Variants in KLHL4 observed in about 807,000 individuals in gnomAD.
The protein encoded by KLHL4 is kelch like family member 4.
In KLHL4, 17 loss-of-function variants were observed where a neutral mutation model predicts 45.8. The observed-to-expected ratio is 0.37, with a 90% CI of 0.25 to 0.56. KLHL4 has a LOEUF of 0.56. KLHL4 is among the 20% of genes least tolerant of loss of function. The probability of loss-of-function intolerance (pLI) is 0.79; values close to 1 mark genes in which losing one functional copy is unlikely to be tolerated. For missense variants in KLHL4, 544 were observed against 544.9 expected (o/e 1.00, Z 0.02); for synonymous variants, 224 against 189.9 (o/e 1.18, Z -1.47).
In KLHL4 at chrX:87,635,602, CA is replaced by C; in HGVS notation, c.1755del (p.Lys585AsnfsTer38). The C allele has an allele frequency of 8.3e-7, 1 of 1,210,945 alleles. No individual in the cohort carries two copies. Among genetic ancestry groups the C allele is most frequent in the Non-Finnish European group, 1.1e-6 (1 of 895,000 alleles). On this transcript the variant is annotated frameshift_variant, in exon 9 of 11. Transcript: ENST00000373119. LOFTEE classifies it high-confidence loss of function. ...GTGGACGTGATGGAAGTTCCTGCCT[CA>C]AATCAATGGAATACTTTGACCCACA... ...IGGRDGSSCL[K>X]SMEYFDPHTN...
At chrX:87,565,502 T>G (rs1032321938) in intron 1 of KLHL4, among the ~76,000 whole-genome samples, 43 of 109,571 alleles carry the variant, frequency 3.9e-4, no homozygotes, top group African/African-American at 1.4e-3. Flanking sequence ...CTGAGGCAGG[T>G]GGATCACTTG....
intron 6 of KLHL4, among the ~76,000 whole-genome samples, chrX:87,628,896 T>G (rs1923018002): frequency 2.7e-5 from 3 of 111,987 alleles, no homozygotes; most frequent in African/African-American, 9.7e-5. Flanking sequence ...CATTAGAAAG[T>G]GCTAAGTATA....
intron 1 of KLHL4, among the ~76,000 whole-genome samples, chrX:87,562,652 G>T (rs144512889): frequency 1.8e-5 from 2 of 110,630 alleles, no homozygotes. Context: ...CAGCTCCCAC[G>T]TGCCATCTCT....
intron 1 of KLHL4, among the ~76,000 whole-genome samples, chrX:87,567,256 C>CA (rs944361245): frequency 1.2e-4 from 13 of 110,554 alleles, no homozygotes; most frequent in African/African-American, 4.3e-4. Flanking sequence ...TTATGATGCT[C>CA]ATTATGATGG....
At chrX:87,553,677 G>T (rs1259377394) in intron 1 of KLHL4, among the ~76,000 whole-genome samples, 3 of 111,183 alleles carry the variant, frequency 2.7e-5, no homozygotes, top group African/African-American at 9.8e-5. Context: ...TTTTCCTGAA[G>T]ATATAATGTT....
chrX:87,651,319 C>T, intron 9 of KLHL4, among the ~76,000 whole-genome samples: 1 of 111,323 alleles, frequency 9.0e-6, no homozygotes, highest in Non-Finnish European at 1.9e-5. Flanking sequence ...ACTCCCAAAT[C>T]TCATGTCCTC....
intron 1 of KLHL4, among the ~76,000 whole-genome samples, chrX:87,531,994 T>C (rs1259156612): frequency 9.7e-5 from 10 of 103,483 alleles, no homozygotes; most frequent in Admixed American, 2.1e-4. Flanking sequence ...TTAAAGTTCA[T>C]ATGGAACCAA....
chrX:87,617,921 A>G lies in KLHL4; in HGVS notation c.728-11A>G. On this transcript the variant is annotated splice_polypyrimidine_tract_variant and intron_variant, in intron 3 of 10. Coordinates refer to ENST00000373119, the MANE Select transcript of KLHL4 (RefSeq NM_019117.5). ...ACTTATAATCATTCTTTGCTTTTTC[A>G]AACCATCTAGGAGTCCTGCAATTGA... The G allele has an allele frequency of 8.5e-7, 1 of 1,174,512 alleles. No homozygotes were observed. The highest frequency in any genetic ancestry group is 1.1e-6 in the Non-Finnish European group (1 of 875,142).
At position 87,659,113 on chromosome X, in the gene KLHL4, C is replaced by CT. The variant is rs1178733729; in HGVS notation, c.1926-5627dup. ...TTCATATTTCTTTATTCTTTTCTTT[C>CT]TTTTTTTTTTTTTTTTTTTTTTTTG... On this transcript the variant is annotated intron_variant, in intron 9 of 10. Transcript: ENST00000373119. 7.8e-3 allele frequency among the ~76,000 whole-genome samples: 352 copies of CT among 45,021 alleles called. 3 individuals carry two copies. The highest frequency in any genetic ancestry group is 0.016 in the East Asian group (22 of 1,386). 39.1% of individuals were successfully genotyped at this position (45,021 alleles called of 115,157 possible). A position where few individuals can be genotyped will look rare whatever the true frequency, so the allele number is the denominator to read the frequency against.
chrX:87,606,347 TA>T (rs1283824113), intron 1 of KLHL4, among the ~76,000 whole-genome samples: 1 of 110,833 alleles, frequency 9.0e-6, no homozygotes, highest in African/African-American at 3.3e-5. Flanking sequence ...AAGCTCAGCC[TA>T]AAATTGGTAG....
intron 9 of KLHL4, among the ~76,000 whole-genome samples, chrX:87,641,073 A>C (rs760740957): frequency 2.5e-4 from 28 of 112,156 alleles, no homozygotes; most frequent in Non-Finnish European, 4.7e-4. Flanking sequence ...TTGCAGCTAC[A>C]GACAGAGCAG....
intron 1 of KLHL4, among the ~76,000 whole-genome samples, chrX:87,568,391 C>CTTTTTTTTTTTTTTTTTTTTTTTTTTTTT (rs58586775): frequency 5.2e-5 from 3 of 57,505 alleles, no homozygotes; most frequent in African/African-American, 1.5e-4. Context: ...TTCTTTTTTT[C>CTTTTTTTTTTTTTTTTTTTTTTTTTTTTT]TTTTTTTTTT....
intron 9 of KLHL4, 80 bp from the exon 10 acceptor site, chrX:87,664,684 T>C (rs1924306526): frequency 1.6e-6 from 1 of 626,589 alleles, no homozygotes; most frequent in Non-Finnish European, 2.5e-6. Flanking sequence ...CAGATAGGTA[T>C]ACATTTTAAG....
intron 1 of KLHL4, among the ~76,000 whole-genome samples, chrX:87,581,281 C>T (rs1921271125): frequency 8.9e-6 from 1 of 112,528 alleles, no homozygotes; most frequent in African/African-American, 3.2e-5. Flanking sequence ...GGCATCTCAG[C>T]CAGTCTAGCC....
At chrX:87,659,055 C>T (rs1569364341) in intron 9 of KLHL4, among the ~76,000 whole-genome samples, 1 of 107,522 alleles carries the variant, frequency 9.3e-6, no homozygotes, top group Admixed American at 1.0e-4. Context: ...TATTTGTCCA[C>T]TGGATGGTAG....
intron 1 of KLHL4, among the ~76,000 whole-genome samples, chrX:87,590,774 C>G (rs1013808529): frequency 3.6e-5 from 4 of 111,759 alleles, no homozygotes; most frequent in Admixed American, 2.8e-4. Context: ...GCTGAAAAAA[C>G]TGCCTGGCTT....
intron 1 of KLHL4, among the ~76,000 whole-genome samples, chrX:87,528,543 C>T (rs940661465): frequency 9.3e-6 from 1 of 107,683 alleles, no homozygotes; most frequent in South Asian, 4.1e-4. Context: ...GGTGAAACTC[C>T]GTCTCTACTA....
intron 1 of KLHL4, among the ~76,000 whole-genome samples, chrX:87,522,679 C>G (rs1295639571): frequency 8.9e-6 from 1 of 112,398 alleles, no homozygotes. Flanking sequence ...AAGGTTAAAT[C>G]TTTTTGCCTA....
intron 1 of KLHL4, among the ~76,000 whole-genome samples, chrX:87,524,494 C>T (rs942825250): frequency 9.0e-6 from 1 of 111,331 alleles, no homozygotes; most frequent in Non-Finnish European, 1.9e-5. Flanking sequence ...CTTCCTCCCC[C>T]ATCCCCATCA....
Sources: gnomAD v4.1 joint callset for allele counts (sites outside exome capture counted in the v4.1 genomes callset) on GRCh38, gnomAD v4.1.1 for gene constraint, MANE v1.5 for transcripts, NCBI Gene and HGNC (gene_info 2026-07-23, HGNC 2026-07-21) for gene names.